The following SCD5 variants were observed in gnomAD, a reference collection of about 807,000 sequenced individuals.
The protein encoded by SCD5 is acyl-CoA-desaturase 4.
SCD5 carries 20 observed loss-of-function variants against 30.4 expected under a neutral mutation model. The ratio of observed to expected loss-of-function variants is 0.66; its 90% CI spans 0.46 to 0.96. SCD5 has a LOEUF of 0.96. Among genes scored for constraint, SCD5 ranks in the 40% least tolerant of loss-of-function variants. The probability of loss-of-function intolerance (pLI) is 0.00; values close to 1 mark genes in which losing one functional copy is unlikely to be tolerated. For synonymous variants in SCD5, 173 were observed against 176.4 expected (o/e 0.98, Z 0.16); for missense variants, 381 against 443.3 (o/e 0.86, Z 1.26).
intron 1 of SCD5, among the ~76,000 whole-genome samples, chr4:82,739,400 A>G (rs62311817): frequency 0.064 from 9,786 of 152,318 alleles, 471 homozygotes; most frequent in East Asian, 0.15. Flanking sequence ...CATCCCCTCC[A>G]GCTTTAAATT....
At chr4:82,742,539 C>A (rs58480105) in intron 1 of SCD5, among the ~76,000 whole-genome samples, 13,929 of 152,270 alleles carry the variant, frequency 0.091, 1,101 homozygotes, top group African/African-American at 0.2. Context: ...GTAATCCCAG[C>A]ACTTTGGGAG....
At chr4:82,714,849 A>G (rs1355780399) in intron 1 of SCD5, among the ~76,000 whole-genome samples, 3 of 151,872 alleles carry the variant, frequency 2.0e-5, no homozygotes, top group African/African-American at 7.3e-5. Context: ...AATCTAAAAC[A>G]CTTCTGAACC....
intron 2 of SCD5, among the ~76,000 whole-genome samples, chr4:82,701,860 T>C (rs931386584): frequency 6.6e-6 from 1 of 152,182 alleles, no homozygotes; most frequent in African/African-American, 2.4e-5. Flanking sequence ...AGCAGATGCA[T>C]GAGCGTGACA....
At chr4:82,663,870 C>T (rs1004573218) in intron 3 of SCD5, among the ~76,000 whole-genome samples, 1 of 152,180 alleles carries the variant, frequency 6.6e-6, no homozygotes, top group African/African-American at 2.4e-5. Context: ...TGAGGAAGAG[C>T]AGGAAACCTG....
At chr4:82,700,561 G>T (rs1413420533) in intron 2 of SCD5, among the ~76,000 whole-genome samples, 2 of 151,936 alleles carry the variant, frequency 1.3e-5, no homozygotes, top group Non-Finnish European at 2.9e-5. Flanking sequence ...AGTGTTGAAA[G>T]AGAAAAATCC....
intron 1 of SCD5, among the ~76,000 whole-genome samples, chr4:82,717,458 A>ATG (rs1720252589): frequency 6.6e-6 from 1 of 151,842 alleles, no homozygotes; most frequent in Non-Finnish European, 1.5e-5. Flanking sequence ...TTACTGTGCT[A>ATG]TGGACCCACT....
In SCD5 at chr4:82,642,197, T is replaced by C. The variant is rs942749243; in HGVS notation, c.570-5374A>G. Among the ~76,000 whole-genome samples the C allele has an allele frequency of 5.9e-5, 9 of 152,240 alleles. No homozygotes were observed. The South Asian group carries it at 1.9e-3, about 32-fold the overall frequency. On this transcript the variant is annotated intron_variant, in intron 3 of 4. Coordinates refer to ENST00000319540, the MANE Select transcript of SCD5 (RefSeq NM_001037582.3). Reference sequence around the variant, plus strand: ...ACCTGTGCAGAGGTCCAGAGATGTCTTGGGCCTTCCCCACAGCCACACCGG... The same window carrying C: ...ACCTGTGCAGAGGTCCAGAGATGTCCTGGGCCTTCCCCACAGCCACACCGG...
At chr4:82,779,217 C>T (rs1204745166) in intron 1 of SCD5, among the ~76,000 whole-genome samples, 2 of 151,692 alleles carry the variant, frequency 1.3e-5, no homozygotes, top group Non-Finnish European at 3.0e-5. Context: ...TGTGGGTGTG[C>T]TTAATGTAAT....
Position 82,789,137 on chromosome 4 carries a change from G to C in SCD5, c.232+9169C>G, listed in dbSNP as rs570618150. 5.9e-5 allele frequency among the ~76,000 whole-genome samples: 9 copies of C among 152,274 alleles called. No homozygotes were observed. The East Asian group carries it at 1.3e-3, about 23-fold the overall frequency. Reference sequence around the variant, plus strand: ...TTAAATAGACAAGCTGGATTCCCAAGGGCCATGCACAGAGTCTCCTTGCTA... The same window carrying C: ...TTAAATAGACAAGCTGGATTCCCAACGGCCATGCACAGAGTCTCCTTGCTA... On this transcript the variant is annotated intron_variant, in intron 1 of 4. Coordinates refer to ENST00000319540, the MANE Select transcript of SCD5 (RefSeq NM_001037582.3).
At chr4:82,710,734 T>G (rs1391954096) in intron 1 of SCD5, among the ~76,000 whole-genome samples, 2 of 152,118 alleles carry the variant, frequency 1.3e-5, no homozygotes, top group South Asian at 4.1e-4. Flanking sequence ...AGTGACTGTT[T>G]CTCCTCTCTA....
chr4:82,777,894 T>C (rs1255872916), intron 1 of SCD5, among the ~76,000 whole-genome samples: 1 of 113,392 alleles, frequency 8.8e-6, no homozygotes, highest in Non-Finnish European at 1.7e-5. Flanking sequence ...AAGCTGACGC[T>C]GCCCCCTTGA....
intron 3 of SCD5, among the ~76,000 whole-genome samples, chr4:82,650,307 C>T (rs1366679477): frequency 1.3e-5 from 2 of 152,024 alleles, no homozygotes; most frequent in African/African-American, 2.4e-5. Flanking sequence ...TGAGTTATGC[C>T]CATGATATCA....
intron 1 of SCD5, among the ~76,000 whole-genome samples, chr4:82,754,468 G>GC (rs397709407): frequency 2.0e-5 from 3 of 152,026 alleles, no homozygotes; most frequent in Non-Finnish European, 4.4e-5. Flanking sequence ...CACAGGAGGG[G>GC]TCTGGGTGGT....
chr4:82,776,767 G>A (rs1721753011), intron 1 of SCD5, among the ~76,000 whole-genome samples: 1 of 152,310 alleles, frequency 6.6e-6, no homozygotes, highest in Non-Finnish European at 1.5e-5. Flanking sequence ...GCCTTATTTT[G>A]TCTATGTAAC....
rs185180590 is a variant in SCD5 at position 82,714,836 on chromosome 4, T to C, written c.233-9423A>G. On this transcript the variant is annotated intron_variant, in intron 1 of 4. Transcript: ENST00000319540. ...AAATATTCCAAAATCTGAAAAAATATAAAATCTAAAACACTTCTGAACCCA... is the reference window on the plus strand; with the variant it reads ...AAATATTCCAAAATCTGAAAAAATACAAAATCTAAAACACTTCTGAACCCA... Among the ~76,000 whole-genome samples, 42 of 152,102 alleles carry C rather than the reference T, an allele frequency of 2.8e-4. No individual in the cohort carries two copies. In the East Asian group the frequency reaches 4.1e-3, roughly 15 times the overall value.
chr4:82,710,636 G>A (rs1720063382), intron 1 of SCD5, among the ~76,000 whole-genome samples: 1 of 152,158 alleles, frequency 6.6e-6, no homozygotes, highest in Non-Finnish European at 1.5e-5. Flanking sequence ...TTGAGGAGGG[G>A]GAACATGGAA....
chr4:82,752,053 GC>G (rs35345221), intron 1 of SCD5, among the ~76,000 whole-genome samples: 1 of 152,142 alleles, frequency 6.6e-6, no homozygotes, highest in Non-Finnish European at 1.5e-5. Context: ...AAGAAATACT[GC>G]CCTGTTAAAG....
chr4:82,753,580 C>T (rs996677639), intron 1 of SCD5: 1 of 376,858 alleles, frequency 2.7e-6, no homozygotes, highest in Non-Finnish European at 5.5e-6. Flanking sequence ...TAGGGTGTCA[C>T]CCAAATCACT....
intron 1 of SCD5, among the ~76,000 whole-genome samples, chr4:82,732,339 C>T (rs1720661948): frequency 6.6e-6 from 1 of 152,216 alleles, no homozygotes; most frequent in African/African-American, 2.4e-5. Context: ...ATCCGCCTAC[C>T]TTGGCCTCCC....
Sources: gnomAD v4.1 joint callset for allele counts (sites outside exome capture counted in the v4.1 genomes callset) on GRCh38, gnomAD v4.1.1 for gene constraint, MANE v1.5 for transcripts, NCBI Gene and HGNC (gene_info 2026-07-23, HGNC 2026-07-21) for gene names.